The following C19orf18 variants were observed in gnomAD, a reference collection of about 807,000 sequenced individuals.
C19orf18 encodes the protein chromosome 19 open reading frame 18.
Under a neutral mutation model 23.3 loss-of-function variants are expected in C19orf18, and 21 were observed. The ratio of observed to expected loss-of-function variants is 0.90; its 90% CI spans 0.64 to 1.30. The LOEUF (loss-of-function observed/expected upper bound fraction) is 1.30. Among genes scored for constraint, C19orf18 ranks in the 50% most tolerant of loss-of-function variants. The pLI is 0.00. For missense variants in C19orf18, 249 were observed against 259.6 expected, an observed-to-expected ratio of 0.96 and a Z score of 0.28; for synonymous variants, 96 against 95.2, an observed-to-expected ratio of 1.01 and a Z score of -0.05.
intron 3 of C19orf18, among the ~76,000 whole-genome samples, chr19:57,968,333 G>A (rs927927749): frequency 1.1e-4 from 16 of 152,292 alleles, no homozygotes; most frequent in Middle Eastern, 6.8e-3. Context: ...TGGGGTTGGG[G>A]GACACCAGCA....
chr19:57,959,334 A>G (rs2072849344), intron 5 of C19orf18, among the ~76,000 whole-genome samples: 1 of 152,156 alleles, frequency 6.6e-6, no homozygotes, highest in Non-Finnish European at 1.5e-5. Context: ...CTAAAAATAC[A>G]AAAACTAGCC....
intron 4 of C19orf18, among the ~76,000 whole-genome samples, chr19:57,964,465 A>G (rs1053740031): frequency 2.0e-5 from 3 of 152,078 alleles, no homozygotes; most frequent in Non-Finnish European, 4.4e-5. Flanking sequence ...TATTTTTTGT[A>G]TAGACGCGGT....
chr19:57,964,060 T>C (rs1311279179), intron 4 of C19orf18, among the ~76,000 whole-genome samples: 2 of 151,980 alleles, frequency 1.3e-5, no homozygotes, highest in African/African-American at 2.4e-5. Context: ...TTTGAACAGG[T>C]GGTTTTGTTT....
chr19:57,969,992 G>A lies in C19orf18; in HGVS notation c.268+2471C>T, dbSNP rs1238938695. ...ACAAGACATGAGATTATGTTTCCCA[G>A]CTCCTTTGCCAATACAGTTATGAGA... On this transcript the variant is annotated intron_variant, in intron 3 of 5. Coordinates refer to ENST00000314391, the MANE Select transcript of C19orf18 (RefSeq NM_152474.5). Among the ~76,000 whole-genome samples, 3 of 151,978 alleles carry A rather than the reference G, an allele frequency of 2.0e-5. No individual in the cohort carries two copies. The South Asian group carries it at 6.2e-4, about 32-fold the overall frequency.
intron 4 of C19orf18, among the ~76,000 whole-genome samples, chr19:57,963,024 A>AT (rs2072884042): frequency 7.5e-6 from 1 of 134,098 alleles, no homozygotes; most frequent in South Asian, 2.2e-4. Context: ...ATTTTAACTC[A>AT]ATTTTTTTTT....
Position 57,958,560 on chromosome 19 carries a change from T to C in C19orf18, c.*42A>G, listed in dbSNP as rs1323275485. 3.7e-6 allele frequency: 5 copies of C among 1,350,838 alleles called. No homozygotes were observed. The African/African-American group carries it at 4.4e-5, about 12-fold the overall frequency. 83.7% of individuals were successfully genotyped at this position (1,350,838 alleles called of 1,614,324 possible). A position where few individuals can be genotyped will look rare whatever the true frequency, so the allele number is the denominator to read the frequency against. ...CAGGCTCAGTCTCCCAGCACCCCCA[T>C]AGTTTCTCCTCTGCCTCAGCCGGCA... On this transcript the variant is annotated 3_prime_UTR_variant, in exon 6 of 6. Coordinates refer to ENST00000314391, the MANE Select transcript of C19orf18 (RefSeq NM_152474.5).
intron 2 of C19orf18, 151 bp from the exon 3 acceptor site, chr19:57,972,655 C>T: frequency 1.2e-6 from 1 of 840,364 alleles, no homozygotes. Context: ...TACATTCCTC[C>T]CAATGCCTGG....
chr19:57,974,439 C>G lies in C19orf18; in HGVS notation c.-7G>C. ...CACTCTGAACCTTGTCCATCACTCT[C>G]AAATTATCAGTATTTTATCCCGTAG... On this transcript the variant is annotated 5_prime_UTR_variant, in exon 1 of 6. Transcript: ENST00000314391. 1 of 1,613,486 alleles carries G rather than the reference C, an allele frequency of 6.2e-7. No individual in the cohort carries two copies. Among genetic ancestry groups the G allele is most frequent in the Non-Finnish European group, 8.5e-7 (1 of 1,179,886 alleles).
chr19:57,966,432 A>G, intron 4 of C19orf18, 98 bp downstream of exon 4: 1 of 781,164 alleles, frequency 1.3e-6, no homozygotes, highest in Non-Finnish European at 2.1e-6. Flanking sequence ...TTTAGCAATT[A>G]TAAGATGTAT....
At chr19:57,969,670 G>T (rs2072932799) in intron 3 of C19orf18, among the ~76,000 whole-genome samples, 1 of 148,722 alleles carries the variant, frequency 6.7e-6, no homozygotes, top group African/African-American at 2.5e-5. Flanking sequence ...ACTTTGGGAG[G>T]CCGAGCCGGG....
At chr19:57,966,246 G>A (rs1267824904) in intron 4 of C19orf18, among the ~76,000 whole-genome samples, 2 of 151,946 alleles carry the variant, frequency 1.3e-5, no homozygotes, top group East Asian at 3.9e-4. Flanking sequence ...CAAAGTGCTG[G>A]GATTACAAGC....
At chr19:57,969,460 C>G (rs926386839) in intron 3 of C19orf18, among the ~76,000 whole-genome samples, 29 of 145,098 alleles carry the variant, frequency 2.0e-4, no homozygotes, top group African/African-American at 7.2e-4. Flanking sequence ...GAGGCTGAGG[C>G]AGGAGAATCA....
intron 5 of C19orf18, among the ~76,000 whole-genome samples, chr19:57,961,179 G>A (rs257669): frequency 0.29 from 43,678 of 151,648 alleles, 6,458 homozygotes; most frequent in Non-Finnish European, 0.31. Flanking sequence ...AGCTTGCAGT[G>A]AGCAGAGATC....
intron 4 of C19orf18, among the ~76,000 whole-genome samples, chr19:57,966,301 C>T (rs1180109888): frequency 6.6e-6 from 1 of 152,110 alleles, no homozygotes; most frequent in Non-Finnish European, 1.5e-5. Context: ...ATTTTCTATT[C>T]TGCTGAATTG....
chr19:57,974,283 A>G, intron 1 of C19orf18, 29 bp downstream of exon 1: 1 of 1,613,956 alleles, frequency 6.2e-7, no homozygotes, highest in South Asian at 1.1e-5. Flanking sequence ...ATTCTCCCTG[A>G]GTCACATAAA....
chr19:57,960,671 A>G (rs1170620661), intron 5 of C19orf18, among the ~76,000 whole-genome samples: 1 of 152,140 alleles, frequency 6.6e-6, no homozygotes, highest in Non-Finnish European at 1.5e-5. Flanking sequence ...GGTAATGAGT[A>G]TGTTTAACGG....
chr19:57,974,029 T>C (rs1227015639), intron 2 of C19orf18, 70 bp downstream of exon 2: 15 of 1,453,378 alleles, frequency 1.0e-5, no homozygotes, highest in Non-Finnish European at 1.4e-5. Context: ...ACAGTACACA[T>C]TCACATGGCA....
At position 57,973,569 on chromosome 19, in the gene C19orf18, C is replaced by CA. The variant is rs571031249; in HGVS notation, c.226+529dup. Among the ~76,000 whole-genome samples the CA allele has an allele frequency of 4.6e-5, 7 of 151,696 alleles. No homozygotes were observed. The South Asian group carries it at 1.3e-3, about 27-fold the overall frequency. On this transcript the variant is annotated intron_variant, in intron 2 of 5. Transcript: ENST00000314391. ...TGAAACCCTGTCTCTACTAAAAATA[C>CA]AAAAAATTAGCTTGGCGTGGTGGCG...
rs1282493552 is a variant in C19orf18, at chr19:57,974,159, T to C, written c.166A>G (p.Lys56Glu). 1 of 1,614,048 alleles carries C rather than the reference T, an allele frequency of 6.2e-7. No homozygotes were observed. Among genetic ancestry groups the C allele is most frequent in the African/African-American group, 1.3e-5 (1 of 74,924 alleles). The change falls in exon 2 of 6, where the codon AAA becomes GAA. Residue 56 changes from lysine to glutamate, a missense_variant. By Grantham distance (56) the Lys-to-Glu change is moderately conservative (BLOSUM62 1). Transcript: ENST00000314391. Reference protein sequence around the residue: ...QPPRNITKEPKVFFHKTQLPG... With the variant: ...QPPRNITKEPEVFFHKTQLPG... ...AACTGGGTTTTATGAAAGAACACTT[T>C]GGGCTCTTTGGTGATGTTTCTGGGT...
Sources: allele counts gnomAD v4.1 joint callset (sites outside exome capture counted in the v4.1 genomes callset), GRCh38; gene constraint gnomAD v4.1.1; transcripts MANE v1.5; gene names NCBI Gene and HGNC (gene_info 2026-07-23, HGNC 2026-07-21).